The following CADM2 variants were observed in gnomAD, a reference collection of about 807,000 sequenced individuals.
CADM2 encodes the protein cell adhesion molecule 2, also known as immunoglobulin superfamily member 4D.
CADM2 carries 12 observed loss-of-function variants against 49.8 expected under a neutral mutation model. That is an observed-to-expected ratio of 0.24 (90% CI 0.15 to 0.39). The LOEUF is 0.39. CADM2 is among the 10% of genes least tolerant of loss of function. The pLI is 1.00. For synonymous variants in CADM2, 214 were observed against 175.4 expected (o/e 1.22, Z -1.74); for missense variants, 378 against 492.3 (o/e 0.77, Z 2.20).
chr3:85,258,334 A>T (rs2042936388), intron 1 of CADM2, among the ~76,000 whole-genome samples: 1 of 152,018 alleles, frequency 6.6e-6, no homozygotes, highest in East Asian at 1.9e-4. Flanking sequence ...GGTTTTCCCT[A>T]TTTTTTGTTC....
chr3:85,068,336 A>G (rs527607027), intron 1 of CADM2, among the ~76,000 whole-genome samples: 1 of 152,296 alleles, frequency 6.6e-6, no homozygotes, highest in East Asian at 1.9e-4. Context: ...CACTGATGAA[A>G]CTGAAGGAAC....
chr3:85,138,048 A>G (rs2039468548), intron 1 of CADM2, among the ~76,000 whole-genome samples: 1 of 152,148 alleles, frequency 6.6e-6, no homozygotes, highest in Admixed American at 6.5e-5. Flanking sequence ...CCTAATCAGA[A>G]AAAAACAAGA....
intron 1 of CADM2, among the ~76,000 whole-genome samples, chr3:84,979,716 A>G (rs1301767532): frequency 6.6e-6 from 1 of 152,262 alleles, no homozygotes; most frequent in East Asian, 1.9e-4. Context: ...GTGTTCTTCA[A>G]CTACTCTAAG....
intron 8 of CADM2, among the ~76,000 whole-genome samples, chr3:85,971,029 G>A (rs1031801790): frequency 2.0e-5 from 3 of 151,460 alleles, no homozygotes; most frequent in Admixed American, 1.3e-4. Context: ...TTAAGTATGG[G>A]TGGATTACTG....
intron 1 of CADM2, among the ~76,000 whole-genome samples, chr3:85,520,019 A>G (rs907576088): frequency 6.6e-6 from 1 of 152,096 alleles, no homozygotes; most frequent in Non-Finnish European, 1.5e-5. Context: ...CAGATGCACT[A>G]AAATCTACCA....
At chr3:85,556,911 G>T (rs6549040) in intron 1 of CADM2, among the ~76,000 whole-genome samples, 77,872 of 151,898 alleles carry the variant, frequency 0.51, 23,032 homozygotes, top group East Asian at 0.85. Context: ...ATGAAATAAG[G>T]TTCTTTTATC....
intron 3 of CADM2, among the ~76,000 whole-genome samples, chr3:85,802,963 A>C (rs1278244241): frequency 1.3e-5 from 2 of 151,988 alleles, no homozygotes; most frequent in Non-Finnish European, 2.9e-5. Flanking sequence ...TTTATATATT[A>C]GCTATTCTTA....
At chr3:85,344,595 C>T (rs1292260927) in intron 1 of CADM2, among the ~76,000 whole-genome samples, 1 of 150,670 alleles carries the variant, frequency 6.6e-6, no homozygotes, top group Non-Finnish European at 1.5e-5. Context: ...AATGAAGTCA[C>T]GTGTATGAGA....
intron 3 of CADM2, among the ~76,000 whole-genome samples, chr3:85,855,641 T>TATATATATATATATATATA (rs71112122): frequency 7.5e-6 from 1 of 133,212 alleles, no homozygotes; most frequent in African/African-American, 2.7e-5. Context: ...TATATATATA[T>TATATATATATATATATATA]TTTGAGACGG....
chr3:85,372,435 G>GTATATATGTA (rs1319759624), intron 1 of CADM2, among the ~76,000 whole-genome samples: 1 of 149,862 alleles, frequency 6.7e-6, no homozygotes, highest in African/African-American at 2.5e-5. Flanking sequence ...GTGTATATAT[G>GTATATATGTA]TATATATGTG....
intron 1 of CADM2, among the ~76,000 whole-genome samples, chr3:84,961,656 G>C (rs1219541886): frequency 1.3e-5 from 2 of 152,124 alleles, no homozygotes; most frequent in South Asian, 2.1e-4. Flanking sequence ...GCGCGCCGGC[G>C]TGTGCCGTGT....
intron 1 of CADM2, among the ~76,000 whole-genome samples, chr3:85,121,453 A>G (rs1383292833): frequency 1.3e-5 from 2 of 152,172 alleles, no homozygotes; most frequent in Non-Finnish European, 2.9e-5. Flanking sequence ...ACTAAGAGGC[A>G]GGAGGAAAGT....
chr3:85,460,732 T>TA (rs1559851560), intron 1 of CADM2, among the ~76,000 whole-genome samples: 2 of 109,956 alleles, frequency 1.8e-5, no homozygotes, highest in East Asian at 9.6e-4. Flanking sequence ...GTGGGAGATG[T>TA]GGTGTGTGTG....
At chr3:85,729,490 TAGAG>T (rs3044018) in intron 2 of CADM2, among the ~76,000 whole-genome samples, 1 of 151,386 alleles carries the variant, frequency 6.6e-6, no homozygotes, top group Non-Finnish European at 1.5e-5. Context: ...GGGAAAGGGC[TAGAG>T]AGAGAGAGAG....
At chr3:85,085,399 T>C (rs2037329016) in intron 1 of CADM2, among the ~76,000 whole-genome samples, 1 of 152,058 alleles carries the variant, frequency 6.6e-6, no homozygotes, top group Non-Finnish European at 1.5e-5. Flanking sequence ...TTTTTTCTTT[T>C]TTAAAGTCTC....
chr3:85,573,953 T>G (rs2062556159), intron 1 of CADM2, among the ~76,000 whole-genome samples: 1 of 152,266 alleles, frequency 6.6e-6, no homozygotes, highest in African/African-American at 2.4e-5. Context: ...TGTTTGAAAT[T>G]TCAGCTTCTG....
chr3:85,559,808 G>A (rs969604384), intron 1 of CADM2, among the ~76,000 whole-genome samples: 4 of 152,048 alleles, frequency 2.6e-5, no homozygotes, highest in Non-Finnish European at 2.9e-5. Context: ...GGAAGGTGAA[G>A]AGAAGGAAAT....
At chr3:85,243,498 T>C (rs2042578672) in intron 1 of CADM2, among the ~76,000 whole-genome samples, 1 of 152,078 alleles carries the variant, frequency 6.6e-6, no homozygotes, top group Admixed American at 6.6e-5. Context: ...TACTTCTTTA[T>C]TACTAAAAGC....
Position 85,482,671 on chromosome 3 carries a change from G to A in CADM2, c.62-243851G>A, listed in dbSNP as rs188866375. ...TTTTTATCGATGGTTCATATTGACA[G>A]AACACCTCCTTAGGTTAATATTCAT... On this transcript the variant is annotated intron_variant, in intron 1 of 9. Transcript: ENST00000383699. 2.9e-4 allele frequency among the ~76,000 whole-genome samples: 44 copies of A among 151,702 alleles called. 1 individual carries two copies. The East Asian group carries it at 8.1e-3, about 28-fold the overall frequency.
Sources: allele counts gnomAD v4.1 joint callset (sites outside exome capture counted in the v4.1 genomes callset), GRCh38; gene constraint gnomAD v4.1.1; transcripts MANE v1.5; gene names NCBI Gene and HGNC (gene_info 2026-07-23, HGNC 2026-07-21).